Variants in KAT6A observed in about 807,000 individuals in gnomAD.
The protein encoded by KAT6A is lysine acetyltransferase 6A.
A neutral mutation model predicts 198.4 loss-of-function variants in KAT6A; 9 were observed. The ratio of observed to expected loss-of-function variants is 0.05; its 90% CI spans 0.03 to 0.08. The LOEUF is 0.08. Ranked by LOEUF, KAT6A falls within the 10% of genes least tolerant of loss-of-function variation. The probability of loss-of-function intolerance (pLI) is 1.00; values close to 1 mark genes in which losing one functional copy is unlikely to be tolerated. For synonymous variants in KAT6A, 890 were observed against 883.0 expected, an observed-to-expected ratio of 1.01 and a Z score of -0.14; for missense variants, 2,077 against 2,509.9, an observed-to-expected ratio of 0.83 and a Z score of 3.69.
chr8:42,001,928 G>C (rs1825514090), intron 2 of KAT6A, among the ~76,000 whole-genome samples: 2 of 152,128 alleles, frequency 1.3e-5, no homozygotes, highest in African/African-American at 4.8e-5. Flanking sequence ...ATTGTTTTTA[G>C]TTTTAATGGA....
chr8:41,976,428 T>C (rs1269174185), intron 7 of KAT6A, among the ~76,000 whole-genome samples: 1 of 152,216 alleles, frequency 6.6e-6, no homozygotes, highest in African/African-American at 2.4e-5. Context: ...CACAGATGTT[T>C]TCTACTTTGA....
intron 2 of KAT6A, among the ~76,000 whole-genome samples, chr8:41,992,809 G>C (rs1456798068): frequency 6.6e-6 from 1 of 152,178 alleles, no homozygotes; most frequent in Admixed American, 6.5e-5. Flanking sequence ...TTTAAGTATA[G>C]CAAAGTACTT....
At chr8:41,986,965 G>A (rs1452701799) in intron 3 of KAT6A, among the ~76,000 whole-genome samples, 6 of 152,146 alleles carry the variant, frequency 3.9e-5, no homozygotes, top group Non-Finnish European at 7.3e-5. Flanking sequence ...TTGAACTCAG[G>A]AGGCAGAGGT....
chr8:41,988,288 G>A (rs184177488), intron 2 of KAT6A, among the ~76,000 whole-genome samples: 65 of 151,936 alleles, frequency 4.3e-4, no homozygotes, highest in Middle Eastern at 3.4e-3. Flanking sequence ...TATAAGGGAG[G>A]GGAAAAAAAA....
chr8:42,051,162 C>T (rs907690443), intron 1 of KAT6A, among the ~76,000 whole-genome samples: 7 of 152,178 alleles, frequency 4.6e-5, no homozygotes, highest in African/African-American at 1.7e-4. Context: ...GCACCCTAAG[C>T]TCTGGGGGCC....
At chr8:42,031,405 A>G (rs970169911) in intron 2 of KAT6A, among the ~76,000 whole-genome samples, 1 of 152,086 alleles carries the variant, frequency 6.6e-6, no homozygotes, top group Non-Finnish European at 1.5e-5. Flanking sequence ...TAGAGGCTAT[A>G]AATTTTGAGA....
chr8:41,951,121 T>A (rs1822650460), intron 9 of KAT6A, among the ~76,000 whole-genome samples: 1 of 151,948 alleles, frequency 6.6e-6, no homozygotes, highest in South Asian at 2.1e-4. Flanking sequence ...AATGAAGAGT[T>A]CATGCCACTT....
chr8:42,006,557 C>A (rs1194695847), intron 2 of KAT6A, among the ~76,000 whole-genome samples: 1 of 152,150 alleles, frequency 6.6e-6, no homozygotes, highest in East Asian at 1.9e-4. Context: ...AATTCAAAAT[C>A]AAAAATGCTC....
At position 41,934,021 on chromosome 8, in the gene KAT6A, G is replaced by A. The variant is rs1173797257; in HGVS notation, c.4199C>T (p.Ser1400Phe). The change falls in exon 17 of 17, where the codon TCC (serine) becomes TTC (phenylalanine). Residue 1400 changes from serine (S) to phenylalanine (F), a missense_variant. Physicochemically the swap from Ser to Phe is radical, Grantham distance 155. Coordinates refer to ENST00000265713, the MANE Select transcript of KAT6A (RefSeq NM_006766.5). ...TTCGATTAACTCTTCCTTAGTGTGG[G>A]AGTCTTCTTCGTGGTCGTCCTCAGA... ...AGSEDDHEED[S>F]HTKEELIELK... The A allele has an allele frequency of 6.2e-7, 1 of 1,614,046 alleles. No homozygotes were observed. Among genetic ancestry groups the A allele is most frequent in the Admixed American group, 1.7e-5 (1 of 60,024 alleles).
chr8:42,035,825 AAAG>A (rs1204783345), intron 2 of KAT6A, among the ~76,000 whole-genome samples: 1 of 152,346 alleles, frequency 6.6e-6, no homozygotes, highest in East Asian at 1.9e-4. Flanking sequence ...GTATACATAG[AAAG>A]AAGGATCTGC....
At chr8:42,047,733 G>A (rs1802385767) in intron 2 of KAT6A, among the ~76,000 whole-genome samples, 1 of 152,118 alleles carries the variant, frequency 6.6e-6, no homozygotes, top group South Asian at 2.1e-4. Context: ...TCTAGTTTAG[G>A]ATACTGTATT....
In KAT6A at chr8:42,029,559, G is replaced by GT. The variant is rs200973214; in HGVS notation, c.600+18818dup. ...ATAGTTAAAAGCACTCACAGTTGTA[G>GT]TTTTTTTTTGTTTTTTTTTTTTTGA... is the stretch of plus-strand genomic sequence containing the variant. On this transcript the variant is annotated intron_variant, in intron 2 of 16. Coordinates refer to ENST00000265713, the MANE Select transcript of KAT6A (RefSeq NM_006766.5). Among the ~76,000 whole-genome samples the GT allele has an allele frequency of 2.0e-3, 289 of 144,306 alleles. 1 individual carries two copies. The highest frequency in any genetic ancestry group is 3.9e-3 in the African/African-American group (151 of 39,060). The allele number at this position is 144,306 out of a possible 152,430, so 94.7% of individuals were successfully genotyped here.
intron 2 of KAT6A, among the ~76,000 whole-genome samples, chr8:42,037,072 T>A (rs1043499169): frequency 6.6e-6 from 1 of 152,160 alleles, no homozygotes; most frequent in East Asian, 1.9e-4. Context: ...CAACCCCAGC[T>A]GCACATCAGA....
At chr8:42,013,241 C>T (rs1431055609) in intron 2 of KAT6A, among the ~76,000 whole-genome samples, 2 of 143,978 alleles carry the variant, frequency 1.4e-5, no homozygotes, top group Non-Finnish European at 3.0e-5. Flanking sequence ...GGAGGTGGCT[C>T]TGTCATTTTT....
In KAT6A at chr8:41,947,892, G is replaced by A; in HGVS notation, c.1761C>T (p.Thr587=). 1.2e-6 allele frequency: 2 copies of A among 1,603,094 alleles called. No individual in the cohort carries two copies. The highest frequency in any genetic ancestry group is 1.7e-6 in the Non-Finnish European group (2 of 1,177,294). The change falls in exon 11 of 17, where the codon ACC becomes ACT. Residue 587 remains threonine, a synonymous_variant. Coordinates refer to ENST00000265713, the MANE Select transcript of KAT6A (RefSeq NM_006766.5). ...AAAGACACAGGTTTTGACAATAAAT[G>A]GTACTCACATTCCCATCAACCTAGA... is the stretch of plus-strand genomic sequence containing the variant. ...SVFEVDGNVS[T]IYCQNLCLLA...
chr8:42,047,983 A>C (rs918393893), intron 2 of KAT6A, among the ~76,000 whole-genome samples: 1 of 151,926 alleles, frequency 6.6e-6, no homozygotes, highest in African/African-American at 2.4e-5. Flanking sequence ...TCAAGTCTCC[A>C]TGATTTGGCT....
At chr8:41,961,712 C>T (rs1823211068) in intron 8 of KAT6A, among the ~76,000 whole-genome samples, 1 of 145,080 alleles carries the variant, frequency 6.9e-6, no homozygotes, top group Admixed American at 7.0e-5. Context: ...GAGATGGTGC[C>T]ACTGCACTCC....
At chr8:41,965,872 G>A (rs577809538) in intron 8 of KAT6A, among the ~76,000 whole-genome samples, 16 of 152,302 alleles carry the variant, frequency 1.1e-4, no homozygotes, top group African/African-American at 3.8e-4. Flanking sequence ...GCTGCTGAAA[G>A]TAGGAATGGT....
rs779021296 is a variant in KAT6A, at chr8:41,933,673, T to C, written c.4547A>G (p.Gln1516Arg). Residue 1516 changes from glutamine (Q) to arginine (R), a missense_variant, in exon 17 of 17, where the codon CAA becomes CGA. Transcript: ENST00000265713. This position sits in a 1 kb window ranked among gnomAD's most constrained non-coding sequence, Gnocchi z 6.2. ...ESGYTQISPEQGSLSAPSMQN... is the reference protein window; with the variant it reads ...ESGYTQISPERGSLSAPSMQN... ...CATAGAGGGTGCGGACAGGGATCCT[T>C]GTTCTGGGCTGATCTGGGTGTAGCC... is the stretch of plus-strand genomic sequence containing the variant. 3 of 1,614,066 alleles carry C rather than the reference T, an allele frequency of 1.9e-6. No homozygotes were observed. The highest frequency in any genetic ancestry group is 4.5e-5 in the East Asian group (2 of 44,876).
Sources: gnomAD v4.1 joint callset for allele counts (sites outside exome capture counted in the v4.1 genomes callset) on GRCh38, gnomAD v4.1.1 for gene constraint, Gnocchi (gnomAD v3.1) non-coding constraint, MANE v1.5 for transcripts, NCBI Gene and HGNC (gene_info 2026-07-23, HGNC 2026-07-21) for gene names.